Variants in ITSN1 observed in about 807,000 individuals in gnomAD.
ITSN1 encodes intersectin 1, also known as intersectin-1.
A neutral mutation model predicts 239.8 loss-of-function variants in ITSN1; 58 were observed. The observed-to-expected ratio is 0.24, with a 90% CI of 0.20 to 0.30. The LOEUF is 0.30. Among genes scored for constraint, ITSN1 ranks in the 10% least tolerant of loss-of-function variants. The pLI is 1.00. For missense variants in ITSN1, 1,558 were observed against 2,103.3 expected, an observed-to-expected ratio of 0.74 and a Z score of 5.07; for synonymous variants, 780 against 770.8, an observed-to-expected ratio of 1.01 and a Z score of -0.20.
At chr21:33,878,485 T>TA (rs1169967604) in intron 34 of ITSN1, among the ~76,000 whole-genome samples, 1 of 152,216 alleles carries the variant, frequency 6.6e-6, no homozygotes, top group Non-Finnish European at 1.5e-5. Flanking sequence ...TGCACACACA[T>TA]ACACCATTCA....
At chr21:33,646,343 A>G (rs1482096205) in intron 1 of ITSN1, among the ~76,000 whole-genome samples, 2 of 152,262 alleles carry the variant, frequency 1.3e-5, no homozygotes, top group Non-Finnish European at 1.5e-5. Flanking sequence ...GGTAAATCAT[A>G]TATCAAACTT....
rs540154847 is a variant in ITSN1, at chr21:33,879,881, T to C, written c.4342-2362T>C. 3.3e-5 allele frequency among the ~76,000 whole-genome samples: 5 copies of C among 152,360 alleles called. No homozygotes were observed. The South Asian group carries it at 6.2e-4, about 19-fold the overall frequency. On this transcript the variant is annotated intron_variant, in intron 34 of 39. Transcript: ENST00000381318. ...TTTTAGTAGAGACGGGGTTTCGCCA[T>C]GTTGGCCAGGCTGGTCTCCAACTCC...
At chr21:33,784,626 C>T (rs1300000344) in intron 16 of ITSN1, among the ~76,000 whole-genome samples, 2 of 152,172 alleles carry the variant, frequency 1.3e-5, no homozygotes, top group African/African-American at 2.4e-5. Flanking sequence ...CTCTAGTATT[C>T]CTCTCAAACC....
At chr21:33,675,470 G>C (rs924943540) in intron 1 of ITSN1, among the ~76,000 whole-genome samples, 17 of 152,190 alleles carry the variant, frequency 1.1e-4, no homozygotes, top group Admixed American at 1.0e-3. Context: ...GGGAGGCTGA[G>C]GTGGGAGAAT....
At chr21:33,722,544 GTTT>G (rs373376953) in intron 3 of ITSN1, 41 bp from the exon 4 acceptor site, 244 of 1,281,918 alleles carry the variant, frequency 1.9e-4, no homozygotes, top group Admixed American at 6.5e-4. Context: ...GTCAGCTGTT[GTTT>G]TTTTTTTTTT....
intron 11 of ITSN1, among the ~76,000 whole-genome samples, chr21:33,768,111 T>C (rs1432089273): frequency 6.6e-6 from 1 of 152,174 alleles, no homozygotes; most frequent in Non-Finnish European, 1.5e-5. Context: ...ATGTTATCCA[T>C]AGAATATACA....
chr21:33,674,354 A>G (rs1022101458), intron 1 of ITSN1, among the ~76,000 whole-genome samples: 5 of 152,244 alleles, frequency 3.3e-5, no homozygotes, highest in Non-Finnish European at 5.9e-5. Context: ...GAAGGCCCAC[A>G]GCGTATAGGC....
intron 1 of ITSN1, among the ~76,000 whole-genome samples, chr21:33,656,362 T>C (rs768670639): frequency 6.6e-6 from 1 of 152,222 alleles, no homozygotes; most frequent in Non-Finnish European, 1.5e-5. Context: ...TAATAATTAA[T>C]AATTGAAGTT....
intron 33 of ITSN1, among the ~76,000 whole-genome samples, chr21:33,870,110 C>T (rs1982455074): frequency 6.6e-6 from 1 of 152,228 alleles, no homozygotes; most frequent in Non-Finnish European, 1.5e-5. Context: ...CATAAGCCAT[C>T]TCCTCAGTCC....
At chr21:33,860,746 G>A (rs60378852) in intron 31 of ITSN1, among the ~76,000 whole-genome samples, 8,948 of 152,162 alleles carry the variant, frequency 0.059, 351 homozygotes, top group African/African-American at 0.12. Flanking sequence ...TAGAGACTCC[G>A]CCCAGTCCTG....
chr21:33,823,808 T>C (rs2073824237), intron 25 of ITSN1, among the ~76,000 whole-genome samples, 155 bp downstream of exon 25: 1 of 152,152 alleles, frequency 6.6e-6, no homozygotes, highest in Admixed American at 6.5e-5. Context: ...ATCTTGTCAT[T>C]TGGCACTGCG....
intron 29 of ITSN1, chr21:33,838,166 C>A (rs1296177536): frequency 1.0e-6 from 1 of 985,348 alleles, no homozygotes; most frequent in East Asian, 1.1e-4. Context: ...TGGAAGCTCT[C>A]AATAAAAATG....
rs538607231 is a variant in ITSN1 at position 33,802,455 on chromosome 21, CCTAA to C, written c.2319+14_2319+17del. ...GTTAAAGGGGAATGGGTAAGTGTTG[CCTAA>C]CTGTCAGGAAGTCTGCATCTTATTC... is the stretch of plus-strand genomic sequence containing the variant. On this transcript the variant is annotated intron_variant, in intron 20 of 39. Coordinates refer to ENST00000381318, the MANE Select transcript of ITSN1 (RefSeq NM_003024.3). The C allele has an allele frequency of 9.7e-4, 1,558 of 1,613,198 alleles. 8 individuals carry two copies. In the African/African-American group the frequency reaches 0.018, roughly 19 times the overall value.
Position 33,891,503 on chromosome 21 carries a change from C to A in ITSN1, c.*3203C>A, listed in dbSNP as rs940141333. ...AGTAAATTGACCACCCACATTAAGT[C>A]TTATCTCGGTGACCTGGTACCAAAG... On this transcript the variant is annotated 3_prime_UTR_variant, in exon 40 of 40. Coordinates refer to ENST00000381318, the MANE Select transcript of ITSN1 (RefSeq NM_003024.3). 1 of 152,130 alleles carries A rather than the reference C, an allele frequency of 6.6e-6. No individual in the cohort carries two copies. Among genetic ancestry groups the A allele is most frequent in the Non-Finnish European group, 1.5e-5 (1 of 68,032 alleles). The allele number at this position is 152,130 out of a possible 1,614,324, so 9.4% of individuals were successfully genotyped here.
chr21:33,844,955 C>T (rs1003360060), intron 29 of ITSN1, among the ~76,000 whole-genome samples: 2 of 152,020 alleles, frequency 1.3e-5, no homozygotes, highest in African/African-American at 4.8e-5. Flanking sequence ...CTCCTCTCCC[C>T]GCCTCCTGCT....
chr21:33,655,514 GGGTT>G (rs2088969593), intron 1 of ITSN1, among the ~76,000 whole-genome samples: 1 of 151,750 alleles, frequency 6.6e-6, no homozygotes, highest in Non-Finnish European at 1.5e-5. Context: ...TCTACCTCCT[GGGTT>G]CAAACAATCC....
rs375329148 is a variant in ITSN1, at chr21:33,874,465, C to G, written c.4174-889C>G. On this transcript the variant is annotated intron_variant, in intron 33 of 39. Transcript: ENST00000381318. The stretch of plus-strand genomic sequence containing the variant: ...TGCCCTCCAAGGGCACCTGTTGGCT[C>G]TTAGACCCTCATCAGTGGGTTGATG... Among the ~76,000 whole-genome samples the G allele has an allele frequency of 9.3e-4, 142 of 152,216 alleles. 3 individuals carry two copies. The South Asian group carries it at 0.026, about 28-fold the overall frequency.
At chr21:33,677,594 C>T (rs2090672582) in intron 1 of ITSN1, among the ~76,000 whole-genome samples, 1 of 152,096 alleles carries the variant, frequency 6.6e-6, no homozygotes, top group South Asian at 2.1e-4. Flanking sequence ...CCCGCCTAGG[C>T]CTCCCAAAGT....
rs1986362086 is a variant in ITSN1, at chr21:33,891,493, C to T, written c.*3193C>T. 6.6e-6 allele frequency: 1 copy of T among 152,102 alleles called. No individual in the cohort carries two copies. Among genetic ancestry groups the T allele is most frequent in the Non-Finnish European group, 1.5e-5 (1 of 68,030 alleles). The allele number at this position is 152,102 out of a possible 1,614,324, so 9.4% of individuals were successfully genotyped here. On this transcript the variant is annotated 3_prime_UTR_variant, in exon 40 of 40. Transcript: ENST00000381318. ...TCAGACTATGAGTAAATTGACCACC[C>T]ACATTAAGTCTTATCTCGGTGACCT...
Sources: allele counts gnomAD v4.1 joint callset (sites outside exome capture counted in the v4.1 genomes callset), GRCh38; gene constraint gnomAD v4.1.1; transcripts MANE v1.5; gene names NCBI Gene and HGNC (gene_info 2026-07-23, HGNC 2026-07-21).